The following SLC7A14 variants were observed in gnomAD, a reference collection of about 807,000 sequenced individuals.
SLC7A14 encodes gamma-aminobutyric acid transporter SLC7A14.
A neutral mutation model predicts 60.2 loss-of-function variants in SLC7A14; 37 were observed. The ratio of observed to expected loss-of-function variants is 0.61; its 90% CI spans 0.47 to 0.81. The LOEUF (loss-of-function observed/expected upper bound fraction) is 0.81. SLC7A14 is among the 30% of genes least tolerant of loss of function. The pLI is 0.00. For missense variants in SLC7A14, 886 were observed against 982.7 expected, an observed-to-expected ratio of 0.90 and a Z score of 1.32; for synonymous variants, 399 against 395.8, an observed-to-expected ratio of 1.01 and a Z score of -0.10.
At chr3:170,569,373 G>T (rs1314222925) in intron 1 of SLC7A14, among the ~76,000 whole-genome samples, 1 of 152,296 alleles carries the variant, frequency 6.6e-6, no homozygotes, top group Admixed American at 6.5e-5. Flanking sequence ...ACATGATCAT[G>T]GTGGATAAGC....
Position 170,483,421 on chromosome 3 carries a change from G to C in SLC7A14, c.1008C>G (p.Phe336Leu), listed in dbSNP as rs371663286. The part of the protein sequence containing the change: ...FVAHGFYAAK[F>L]VVAIGSVAGL... ...CTGCAACCGACCCAATGGCCACTAC[G>C]AATTTGGCAGCATAGAACCCATGAG... Residue 336 changes from phenylalanine (F) to leucine (L), a missense_variant, in exon 6 of 8, where the codon TTC becomes TTG. Physicochemically the swap from Phe to Leu is conservative, Grantham distance 22. Coordinates refer to ENST00000231706, the MANE Select transcript of SLC7A14 (RefSeq NM_020949.3). The C allele has an allele frequency of 2.2e-5, 35 of 1,614,068 alleles. No homozygotes were observed. In the African/African-American group the frequency reaches 3.7e-4, roughly 17 times the overall value.
chr3:170,573,336 C>T (rs2108316070), intron 1 of SLC7A14, among the ~76,000 whole-genome samples: 1 of 152,348 alleles, frequency 6.6e-6, no homozygotes, highest in Non-Finnish European at 1.5e-5. Context: ...ATATGAGATT[C>T]AAGTGCCATG....
At chr3:170,544,103 C>T (rs73163886) in intron 1 of SLC7A14, among the ~76,000 whole-genome samples, 6,825 of 152,062 alleles carry the variant, frequency 0.045, 218 homozygotes, top group Non-Finnish European at 0.064. Flanking sequence ...CCTCCACATT[C>T]GGAGCCTAGT....
chr3:170,475,189 C>T (rs900329834), intron 7 of SLC7A14, among the ~76,000 whole-genome samples: 1 of 152,198 alleles, frequency 6.6e-6, no homozygotes, highest in Admixed American at 6.5e-5. Flanking sequence ...GCTTGTGCCT[C>T]GTTTTACTCT....
chr3:170,529,160 C>T (rs1469667791), intron 1 of SLC7A14, among the ~76,000 whole-genome samples: 1 of 152,118 alleles, frequency 6.6e-6, no homozygotes, highest in Non-Finnish European at 1.5e-5. Flanking sequence ...CAACAAAGAA[C>T]CACATGAGTA....
chr3:170,543,604 T>C (rs897236928), intron 1 of SLC7A14, among the ~76,000 whole-genome samples: 9 of 151,096 alleles, frequency 6.0e-5, no homozygotes, highest in Non-Finnish European at 1.0e-4. Context: ...GATCGCCCCA[T>C]TGCACTCCAG....
intron 1 of SLC7A14, among the ~76,000 whole-genome samples, chr3:170,540,934 T>C (rs1261763214): frequency 6.6e-6 from 1 of 152,200 alleles, no homozygotes; most frequent in Non-Finnish European, 1.5e-5. Context: ...TATTCAATAA[T>C]ATGTAAAAAT....
intron 2 of SLC7A14, among the ~76,000 whole-genome samples, chr3:170,510,674 C>T (rs764487015): frequency 7.2e-5 from 11 of 152,178 alleles, no homozygotes; most frequent in Non-Finnish European, 1.6e-4. Context: ...ACTAAAGAAT[C>T]CACAGGGTTA....
intron 1 of SLC7A14, among the ~76,000 whole-genome samples, chr3:170,564,946 TTTTTGTTTTG>T (rs941062270): frequency 1.3e-4 from 20 of 152,094 alleles, no homozygotes; most frequent in Admixed American, 1.2e-3. Context: ...AGTGAGTGGG[TTTTTGTTTTG>T]TTTTGTTTTG....
chr3:170,515,413 T>C (rs1225739158), intron 2 of SLC7A14, among the ~76,000 whole-genome samples: 1 of 152,030 alleles, frequency 6.6e-6, no homozygotes, highest in African/African-American at 2.4e-5. Flanking sequence ...GCCTGGGGCC[T>C]ATATCACTTT....
intron 1 of SLC7A14, among the ~76,000 whole-genome samples, chr3:170,533,361 T>A (rs1713737324): frequency 6.6e-6 from 1 of 152,236 alleles, no homozygotes; most frequent in South Asian, 2.1e-4. Context: ...CCAGTAACTC[T>A]CTTCTGTTGT....
intron 2 of SLC7A14, among the ~76,000 whole-genome samples, chr3:170,525,741 G>A (rs1273523216): frequency 1.3e-5 from 2 of 152,208 alleles, no homozygotes; most frequent in African/African-American, 4.8e-5. Context: ...AGGTGTATGA[G>A]AACCAGAATA....
intron 2 of SLC7A14, among the ~76,000 whole-genome samples, chr3:170,510,732 G>A (rs986363252): frequency 1.3e-5 from 2 of 152,178 alleles, no homozygotes; most frequent in Admixed American, 6.5e-5. Context: ...CTTCTTCATT[G>A]TTGAAGCGGC....
intron 4 of SLC7A14, chr3:170,496,455 G>A: frequency 2.3e-6 from 3 of 1,277,702 alleles, no homozygotes; most frequent in Non-Finnish European, 3.4e-6. Context: ...CGAGCAGCGT[G>A]GGGAGCTGGC....
intron 1 of SLC7A14, among the ~76,000 whole-genome samples, chr3:170,561,129 T>C (rs55916898): frequency 0.019 from 2,833 of 152,306 alleles, 89 homozygotes; most frequent in African/African-American, 0.064. Context: ...GGTTCTAAAC[T>C]GGTATGACTA....
chr3:170,467,359 C>A lies in SLC7A14; in HGVS notation c.2012G>T (p.Gly671Val). ...CAGGGTGCTGTTCCAGATGCCATAT[C>A]CAAAATAAATGAGCAGACCTGTGGG... is the stretch of plus-strand genomic sequence containing the variant. ...WCFVGLLIYFGYGIWNSTLEI... is the reference protein window; with the variant it reads ...WCFVGLLIYFVYGIWNSTLEI... Residue 671 changes from glycine (G) to valine (V), a missense_variant, in exon 8 of 8, where the codon GGA becomes GTA. Coordinates refer to ENST00000231706, the MANE Select transcript of SLC7A14 (RefSeq NM_020949.3). 1 of 1,601,754 alleles carries A rather than the reference C, an allele frequency of 6.2e-7. No homozygotes were observed. Among genetic ancestry groups the A allele is most frequent in the Non-Finnish European group, 8.5e-7 (1 of 1,173,154 alleles).
At chr3:170,583,811 G>A (rs1715302163) in intron 1 of SLC7A14, among the ~76,000 whole-genome samples, 1 of 152,212 alleles carries the variant, frequency 6.6e-6, no homozygotes, top group South Asian at 2.1e-4. Context: ...GGTATCTCAA[G>A]CAGCATGCAA....
At chr3:170,520,736 C>T (rs1178136771) in intron 2 of SLC7A14, among the ~76,000 whole-genome samples, 2 of 152,052 alleles carry the variant, frequency 1.3e-5, no homozygotes, top group Admixed American at 1.3e-4. Flanking sequence ...GTGATTCAGA[C>T]CTATATTCTG....
chr3:170,519,711 G>A (rs561662212), intron 2 of SLC7A14, among the ~76,000 whole-genome samples: 1 of 152,326 alleles, frequency 6.6e-6, no homozygotes, highest in South Asian at 2.1e-4. Context: ...GGGAGGTGTA[G>A]GTTGCAGTGA....
Sources: allele counts gnomAD v4.1 joint callset (sites outside exome capture counted in the v4.1 genomes callset), GRCh38; gene constraint gnomAD v4.1.1; transcripts MANE v1.5; gene names NCBI Gene and HGNC (gene_info 2026-07-23, HGNC 2026-07-21).